The following GTF2H5 variants were observed in gnomAD, a reference collection of about 807,000 sequenced individuals.
GTF2H5 encodes TFB5 ortholog.
GTF2H5 carries 5 observed loss-of-function variants against 7.1 expected under a neutral mutation model. That is an observed-to-expected ratio of 0.71 (90% CI 0.37 to 1.49). The LOEUF is 1.49. Ranked by LOEUF, GTF2H5 falls within the 40% of genes most tolerant of loss-of-function variation. The pLI, the probability that GTF2H5 is intolerant of heterozygous loss-of-function variation, is 0.03. For synonymous variants in GTF2H5, 30 were observed against 31.7 expected (o/e 0.95, Z 0.18); for missense variants, 80 against 83.0 (o/e 0.96, Z 0.14).
rs1466953176 is a variant in GTF2H5, at chr6:158,196,647, A to C, written c.*4490A>C. On this transcript the variant is annotated 3_prime_UTR_variant, in exon 3 of 3. Coordinates refer to ENST00000607778, the MANE Select transcript of GTF2H5 (RefSeq NM_207118.3). ...CTGTCAGAACAATATGAATTCTGCT[A>C]AAACTGAAGCAAGAACAAACATCAA... 6.6e-6 allele frequency: 1 copy of C among 152,254 alleles called. No individual in the cohort carries two copies. 9.4% of individuals were successfully genotyped at this position (152,254 alleles called of 1,614,324 possible).
rs1777065884 is a variant in GTF2H5 at position 158,193,823 on chromosome 6, A to C, written c.*1666A>C. ...TCCTGCTCGGTGAAACCCCATCTCT[A>C]TTAAAAATACAAAAAATTAGCCGGG... On this transcript the variant is annotated 3_prime_UTR_variant, in exon 3 of 3. Transcript: ENST00000607778. 1 of 152,084 alleles carries C rather than the reference A, an allele frequency of 6.6e-6. No homozygotes were observed. The highest frequency in any genetic ancestry group is 2.4e-5 in the African/African-American group (1 of 41,374). 9.4% of individuals were successfully genotyped at this position (152,084 alleles called of 1,614,324 possible).
chr6:158,169,976 G>A (rs977994905), intron 1 of GTF2H5, among the ~76,000 whole-genome samples: 48 of 150,918 alleles, frequency 3.2e-4, no homozygotes, highest in Middle Eastern at 3.4e-3. Context: ...AGCAGAGATC[G>A]CGCCACTGCA....
At chr6:158,179,147 G>A (rs893220467) in intron 2 of GTF2H5, among the ~76,000 whole-genome samples, 4 of 152,332 alleles carry the variant, frequency 2.6e-5, no homozygotes, top group Admixed American at 6.5e-5. Flanking sequence ...TCAAAGATCA[G>A]ATGGTGGTAG....
chr6:158,186,934 T>TCTCC (rs1776935409), intron 2 of GTF2H5, among the ~76,000 whole-genome samples: 1 of 152,212 alleles, frequency 6.6e-6, no homozygotes, highest in African/African-American at 2.4e-5. Flanking sequence ...GCAGATGAAG[T>TCTCC]CTCCAGGTAG....
chr6:158,186,001 TAAAG>T (rs1327096850), intron 2 of GTF2H5, among the ~76,000 whole-genome samples: 1 of 151,882 alleles, frequency 6.6e-6, no homozygotes, highest in Non-Finnish European at 1.5e-5. Context: ...TCAAAAAAAA[TAAAG>T]AGAGCAAAAA....
intron 2 of GTF2H5, among the ~76,000 whole-genome samples, chr6:158,181,613 T>C (rs1786011708): frequency 6.6e-6 from 1 of 152,218 alleles, no homozygotes; most frequent in African/African-American, 2.4e-5. Flanking sequence ...TTGATCCCTT[T>C]ACCATTATGT....
At chr6:158,169,557 T>C (rs181069557) in intron 1 of GTF2H5, among the ~76,000 whole-genome samples, 1 of 72,694 alleles carries the variant, frequency 1.4e-5, no homozygotes, top group Non-Finnish European at 2.3e-5. Context: ...TACTGTATAT[T>C]ATATATAATA....
rs1777107762 is a variant in GTF2H5 at position 158,196,221 on chromosome 6, G to T, written c.*4064G>T. The stretch of plus-strand genomic sequence containing the variant: ...GGTGTAATCCCGGGAGGTGGAGGTT[G>T]CAGTGAGCCGAGATCGTGCCACTGC... On this transcript the variant is annotated 3_prime_UTR_variant, in exon 3 of 3. Coordinates refer to ENST00000607778, the MANE Select transcript of GTF2H5 (RefSeq NM_207118.3). 1 of 152,252 alleles carries T rather than the reference G, an allele frequency of 6.6e-6. No individual in the cohort carries two copies. Among genetic ancestry groups the T allele is most frequent in the African/African-American group, 2.4e-5 (1 of 41,450 alleles). The allele number at this position is 152,252 out of a possible 1,614,324, so 9.4% of individuals were successfully genotyped here.
At chr6:158,188,730 C>G (rs1776972998) in intron 2 of GTF2H5, among the ~76,000 whole-genome samples, 1 of 152,138 alleles carries the variant, frequency 6.6e-6, no homozygotes, top group South Asian at 2.1e-4. Flanking sequence ...CCATTATGCT[C>G]TGTTTGTAAA....
chr6:158,172,218 T>C (rs1785867239), intron 2 of GTF2H5, among the ~76,000 whole-genome samples: 1 of 152,162 alleles, frequency 6.6e-6, no homozygotes, highest in African/African-American at 2.4e-5. Flanking sequence ...CACTTCTCTC[T>C]TGTGGGGATT....
chr6:158,169,693 T>A (rs1477403220), intron 1 of GTF2H5, among the ~76,000 whole-genome samples: 7 of 66,104 alleles, frequency 1.1e-4, no homozygotes, highest in South Asian at 3.7e-4. Context: ...ATAATATATA[T>A]TATATAATAT....
At chr6:158,185,468 G>T (rs553523985) in intron 2 of GTF2H5, among the ~76,000 whole-genome samples, 2 of 150,830 alleles carry the variant, frequency 1.3e-5, no homozygotes, top group Non-Finnish European at 2.9e-5. Flanking sequence ...TCATCCCTAG[G>T]AGGTTGAGGC....
intron 2 of GTF2H5, among the ~76,000 whole-genome samples, chr6:158,188,406 A>T (rs1342477150): frequency 3.3e-5 from 5 of 152,212 alleles, no homozygotes; most frequent in Non-Finnish European, 7.4e-5. Flanking sequence ...CAAGAAACTG[A>T]AACTTTGGTT....
intron 2 of GTF2H5, among the ~76,000 whole-genome samples, chr6:158,185,502 C>T (rs1326708463): frequency 6.8e-6 from 1 of 146,990 alleles, no homozygotes; most frequent in East Asian, 2.0e-4. Context: ...GATTGTGCCA[C>T]TGCACTCCAG....
In GTF2H5 at chr6:158,169,745, T is replaced by TTATATAATATATTGTATATTATATAA. The variant is rs1785807260; in HGVS notation, c.-34-700_-34-699insATATATAATATATTGTATATTATATA. Among the ~76,000 whole-genome samples, 12 of 54,038 alleles carry TTATATAATATATTGTATATTATATAA rather than the reference T, an allele frequency of 2.2e-4. 1 individual carries two copies. The highest frequency in any genetic ancestry group is 7.3e-4 in the African/African-American group (7 of 9,580). 35.5% of individuals were successfully genotyped at this position (54,038 alleles called of 152,430 possible). Reference sequence around the variant, plus strand: ...TATATAATATATTGTATATTATATATTATATAATATATTGTATATTATATA... The same window carrying TTATATAATATATTGTATATTATATAA: ...TATATAATATATTGTATATTATATATTATATAATATATTGTATATTATATAATATATAATATATTGTATATTATATA... On this transcript the variant is annotated intron_variant, in intron 1 of 2. Coordinates refer to ENST00000607778, the MANE Select transcript of GTF2H5 (RefSeq NM_207118.3).
chr6:158,179,102 A>T (rs553639055), intron 2 of GTF2H5, among the ~76,000 whole-genome samples: 86 of 152,322 alleles, frequency 5.6e-4, no homozygotes, highest in African/African-American at 1.9e-3. Context: ...TTAAATAGGG[A>T]ATCTTTTCCC....
rs968879391 is a variant in GTF2H5 at position 158,194,624 on chromosome 6, T to C, written c.*2467T>C. On this transcript the variant is annotated 3_prime_UTR_variant, in exon 3 of 3. Coordinates refer to ENST00000607778, the MANE Select transcript of GTF2H5 (RefSeq NM_207118.3). Reference sequence around the variant, plus strand: ...AGTACCTTATGAGTTAATTGGACTCTTTGATATGTTGAGAGTCAGCTTACA... The same window carrying C: ...AGTACCTTATGAGTTAATTGGACTCCTTGATATGTTGAGAGTCAGCTTACA... 3.9e-5 allele frequency: 6 copies of C among 152,166 alleles called. No individual in the cohort carries two copies. Among genetic ancestry groups the C allele is most frequent in the African/African-American group, 1.4e-4 (6 of 41,436 alleles). 9.4% of individuals were successfully genotyped at this position (152,166 alleles called of 1,614,324 possible). A position where few individuals can be genotyped will look rare whatever the true frequency, so the allele number is the denominator to read the frequency against.
In GTF2H5 at chr6:158,195,408, A is replaced by G. The variant is rs537277969; in HGVS notation, c.*3251A>G. 17 of 152,308 alleles carry G rather than the reference A, an allele frequency of 1.1e-4. 1 individual carries two copies. Among genetic ancestry groups the G allele is most frequent in the South Asian group, 4.1e-4 (2 of 4,830 alleles). 9.4% of individuals were successfully genotyped at this position (152,308 alleles called of 1,614,324 possible). On this transcript the variant is annotated 3_prime_UTR_variant, in exon 3 of 3. Coordinates refer to ENST00000607778, the MANE Select transcript of GTF2H5 (RefSeq NM_207118.3). ...CAAGGTCTTAATTCCTTGAATTCCA[A>G]TTTCCTTGTGAAATTTCATGTGATT...
chr6:158,172,311 A>G (rs1785868663), intron 2 of GTF2H5, among the ~76,000 whole-genome samples: 1 of 149,550 alleles, frequency 6.7e-6, no homozygotes, highest in South Asian at 2.1e-4. Context: ...GATCTAAATT[A>G]GCTTCTTTTT....
Sources: allele counts gnomAD v4.1 joint callset (sites outside exome capture counted in the v4.1 genomes callset), GRCh38; gene constraint gnomAD v4.1.1; transcripts MANE v1.5; gene names NCBI Gene and HGNC (gene_info 2026-07-23, HGNC 2026-07-21).